Variants in STK40 observed in about 807,000 individuals in gnomAD.
STK40 encodes serine/threonine-protein kinase 40.
Under a neutral mutation model 47.9 loss-of-function variants are expected in STK40, and 13 were observed. That is an observed-to-expected ratio of 0.27 (90% CI 0.18 to 0.43). The LOEUF (loss-of-function observed/expected upper bound fraction) is 0.43. Among genes scored for constraint, STK40 ranks in the 20% least tolerant of loss-of-function variants. The pLI, the probability that STK40 is intolerant of heterozygous loss-of-function variation, is 1.00. For synonymous variants in STK40, 225 were observed against 243.2 expected (o/e 0.93, Z 0.69); for missense variants, 460 against 595.1 (o/e 0.77, Z 2.36).
At chr1:36,362,573 C>T (rs1313951143) in intron 1 of STK40, 2 of 152,222 alleles carry the variant, frequency 1.3e-5, no homozygotes, top group East Asian at 1.9e-4. Context: ...GGAGTGTAGC[C>T]TTTACCCTTC....
rs200355022 is a variant in STK40 at position 36,343,837 on chromosome 1, C to T, written c.1004+23G>A. The T allele has an allele frequency of 9.6e-6, 15 of 1,557,856 alleles. No individual in the cohort carries two copies. The East Asian group carries it at 1.1e-4, about 12-fold the overall frequency. On this transcript the variant is annotated intron_variant, in intron 9 of 10. Transcript: ENST00000373132. ...GGCCCTGAGGACGCAGCCTTGTGCCCGGTCAAGTGCCTGTCCACTTACCAT... is the reference window on the plus strand; with the variant it reads ...GGCCCTGAGGACGCAGCCTTGTGCCTGGTCAAGTGCCTGTCCACTTACCAT...
intron 1 of STK40, chr1:36,362,686 CAAAAATAA>C: frequency 6.6e-6 from 1 of 152,170 alleles, no homozygotes; most frequent in East Asian, 1.9e-4. Flanking sequence ...TACGCATGTG[CAAAAATAA>C]GAAAATAAGG....
At position 36,341,652 on chromosome 1, in the gene STK40, T is replaced by C. The variant is rs891170072; in HGVS notation, c.*103A>G. The C allele has an allele frequency of 6.0e-5, 85 of 1,409,826 alleles. No individual in the cohort carries two copies. In the East Asian group the frequency reaches 7.5e-4, roughly 12 times the overall value. 87.3% of individuals were successfully genotyped at this position (1,409,826 alleles called of 1,614,324 possible). A position where few individuals can be genotyped will look rare whatever the true frequency, so the allele number is the denominator to read the frequency against. On this transcript the variant is annotated 3_prime_UTR_variant, in exon 11 of 11. Transcript: ENST00000373132. ...CCCTGTCCCTGCCCTGTCCCTATTG[T>C]GGCCCGGGAGAGTCCAGCACTACAG...
At chr1:36,367,712 C>T in intron 1 of STK40, 1 of 601,158 alleles carries the variant, frequency 1.7e-6, no homozygotes, top group Non-Finnish European at 2.1e-6. Flanking sequence ...ACTGATCTCC[C>T]CAGCTCAGTC....
intron 10 of STK40, 153 bp from the exon 11 acceptor site, chr1:36,342,126 T>A: frequency 1.4e-6 from 1 of 740,130 alleles, no homozygotes; most frequent in Non-Finnish European, 2.2e-6. Context: ...GGGGTGGGAG[T>A]GGCGCTGAGG....
rs755810424 is a variant in STK40, at chr1:36,358,759, G to A, written c.176C>T (p.Thr59Met). The A allele has an allele frequency of 1.9e-5, 30 of 1,614,014 alleles. No homozygotes were observed. Among genetic ancestry groups the A allele is most frequent in the African/African-American group, 1.1e-4 (8 of 74,906 alleles). Residue 59 changes from threonine (T) to methionine (M), a missense_variant, in exon 3 of 11, where the codon ACG (threonine) becomes ATG (methionine). Physicochemically the swap from Thr to Met is moderately conservative, Grantham distance 81. Around this residue, in one of 3 missense-constraint regions of STK40, gnomAD observed 277 missense variants for 358.7 expected, o/e 0.77. Coordinates refer to ENST00000373132, the MANE Select transcript of STK40 (RefSeq NM_001282547.2). ...TACCTTCAGCTGATAGAAGTCATCC[G>A]TGCCATCTTTCCTCGCCAAACACTG... ...IVQCLARKDG[T>M]DDFYQLKILT... is the part of the protein sequence containing the mutation.
chr1:36,358,169 G>A, intron 4 of STK40, 70 bp downstream of exon 4: 2 of 1,482,184 alleles, frequency 1.3e-6, no homozygotes, highest in Non-Finnish European at 9.0e-7. Flanking sequence ...TATGGCTGTG[G>A]CCCCAGCAAG....
chr1:36,343,049 A>AG (rs748663044), intron 10 of STK40: 2 of 602,130 alleles, frequency 3.3e-6, no homozygotes, highest in Non-Finnish European at 3.0e-6. Context: ...ACTCTGAGTC[A>AG]GGGGGCAGAG....
At chr1:36,381,476 G>A (rs867953623) in intron 1 of STK40, among the ~76,000 whole-genome samples, 1 of 151,944 alleles carries the variant, frequency 6.6e-6, no homozygotes, top group Non-Finnish European at 1.5e-5. Context: ...CATTCTTCAC[G>A]ATCCAATTCA....
chr1:36,343,506 G>T, intron 9 of STK40, 58 bp from the exon 10 acceptor site: 1 of 1,505,420 alleles, frequency 6.6e-7, no homozygotes, highest in South Asian at 1.2e-5. Context: ...ATTGATCCCA[G>T]ACTTAACTGG....
rs575567942 is a variant in STK40, at chr1:36,343,904, G to A, written c.960C>T (p.Ala320=). The A allele has an allele frequency of 3.7e-4, 601 of 1,606,856 alleles. 7 individuals carry two copies. The South Asian group carries it at 6.0e-3, about 16-fold the overall frequency. Reference sequence around the variant, plus strand: ...TGAGGGCCTCCAGGACGTCGGCGGCGGCCAGGCGCTGCTGGGGGTCAAGGA... The same window carrying A: ...TGAGGGCCTCCAGGACGTCGGCGGCAGCCAGGCGCTGCTGGGGGTCAAGGA... ...LLVLDPQQRL[A]AADVLEALSA... is the part of the protein sequence containing the mutation. Residue 320 remains alanine, a synonymous_variant, in exon 9 of 11, where the codon GCC becomes GCT. Transcript: ENST00000373132.
chr1:36,362,242 A>G (rs1248969737), intron 1 of STK40, among the ~76,000 whole-genome samples: 2 of 152,198 alleles, frequency 1.3e-5, no homozygotes, highest in African/African-American at 4.8e-5. Context: ...CCAGCTCTCC[A>G]AAGTCAAACA....
chr1:36,358,668 A>G, intron 3 of STK40, 69 bp downstream of exon 3: 1 of 1,515,016 alleles, frequency 6.6e-7, no homozygotes, highest in Non-Finnish European at 9.1e-7. Flanking sequence ...GTGAAGGTGG[A>G]GGAGGGAGGA....
chr1:36,359,828 C>T (rs1646836449), intron 2 of STK40, among the ~76,000 whole-genome samples: 1 of 152,260 alleles, frequency 6.6e-6, no homozygotes, highest in Admixed American at 6.5e-5. Context: ...CCATGCCACA[C>T]TCCAGCTCCT....
intron 6 of STK40, among the ~76,000 whole-genome samples, chr1:36,353,900 C>T (rs1471520805): frequency 6.6e-6 from 1 of 152,114 alleles, no homozygotes; most frequent in Non-Finnish European, 1.5e-5. Context: ...TCATTTTGCT[C>T]GTTCCTTCAC....
At chr1:36,376,759 A>G (rs1646995595) in intron 1 of STK40, among the ~76,000 whole-genome samples, 1 of 152,140 alleles carries the variant, frequency 6.6e-6, no homozygotes, top group Non-Finnish European at 1.5e-5. Flanking sequence ...GTTAAAAAAG[A>G]TTATACACAC....
intron 7 of STK40, among the ~76,000 whole-genome samples, chr1:36,348,314 T>C (rs563591260): frequency 1.2e-4 from 18 of 152,330 alleles, no homozygotes; most frequent in Non-Finnish European, 2.9e-5. Flanking sequence ...CAGCCTGCAA[T>C]TGCTCCAACG....
chr1:36,368,460 T>C (rs896945321), intron 1 of STK40, among the ~76,000 whole-genome samples: 7 of 152,184 alleles, frequency 4.6e-5, no homozygotes, highest in Admixed American at 2.6e-4. Context: ...CTATGTTGCA[T>C]AGGCTGGTCT....
At chr1:36,345,576 C>T (rs1238609807) in intron 7 of STK40, among the ~76,000 whole-genome samples, 1 of 152,184 alleles carries the variant, frequency 6.6e-6, no homozygotes, top group African/African-American at 2.4e-5. Context: ...TGTGGCTGAC[C>T]CCATGGCTGA....
Sources: gnomAD v4.1 joint callset for allele counts (sites outside exome capture counted in the v4.1 genomes callset) on GRCh38, gnomAD v4.1.1 for gene constraint, gnomAD v4.1.1 regional missense constraint, MANE v1.5 for transcripts, NCBI Gene and HGNC (gene_info 2026-07-23, HGNC 2026-07-21) for gene names.